LHFPL6: variants seen among roughly 807,000 people sequenced by gnomAD.
LHFPL6 encodes LHFPL tetraspan subfamily member 6 protein.
LHFPL6 carries 9 observed loss-of-function variants against 20.6 expected under a neutral mutation model. The observed-to-expected ratio is 0.44, with a 90% CI of 0.26 to 0.76. The LOEUF is 0.76. Among genes scored for constraint, LHFPL6 ranks in the 30% least tolerant of loss-of-function variants. The pLI, the probability that LHFPL6 is intolerant of heterozygous loss-of-function variation, is 0.20. For synonymous variants in LHFPL6, 105 were observed against 98.7 expected (o/e 1.06, Z -0.38); for missense variants, 218 against 253.5 (o/e 0.86, Z 0.95).
intron 2 of LHFPL6, among the ~76,000 whole-genome samples, chr13:39,500,352 G>T (rs1425808826): frequency 6.6e-6 from 1 of 151,998 alleles, no homozygotes; most frequent in African/African-American, 2.4e-5. Flanking sequence ...ATAGGTGCAT[G>T]CCATCATGCC....
intron 2 of LHFPL6, among the ~76,000 whole-genome samples, chr13:39,549,727 CT>C (rs560636170): frequency 5.2e-4 from 79 of 152,162 alleles, no homozygotes; most frequent in African/African-American, 1.8e-3. Context: ...TTTATGGTAG[CT>C]TTATTCATAA....
chr13:39,488,654 ATAAT>A lies in LHFPL6; in HGVS notation c.386-110132_386-110129del, dbSNP rs1419955904. Reference sequence around the variant, plus strand: ...TGTGTTTAATTGGATCATGTAATGCATAATTATTAATCATTATAATGTATTTTAT... The same window carrying A: ...TGTGTTTAATTGGATCATGTAATGCATATTAATCATTATAATGTATTTTAT... On this transcript the variant is annotated intron_variant, in intron 2 of 3. Coordinates refer to ENST00000379589, the MANE Select transcript of LHFPL6 (RefSeq NM_005780.3). Among the ~76,000 whole-genome samples, 14 of 152,368 alleles carry A rather than the reference ATAAT, an allele frequency of 9.2e-5. 2 individuals are homozygous for A. Among genetic ancestry groups the A allele is most frequent in the Admixed American group, 8.5e-4 (13 of 15,314 alleles).
chr13:39,353,262 A>C (rs1025968960), intron 3 of LHFPL6, among the ~76,000 whole-genome samples: 1 of 151,742 alleles, frequency 6.6e-6, no homozygotes, highest in Non-Finnish European at 1.5e-5. Flanking sequence ...CTGAGATTAC[A>C]GGCGTAAGCC....
Position 39,562,585 on chromosome 13 carries a change from T to TAC in LHFPL6, c.385+38246_385+38247insGT, listed in dbSNP as rs1566142194. On this transcript the variant is annotated intron_variant, in intron 2 of 3. Coordinates refer to ENST00000379589, the MANE Select transcript of LHFPL6 (RefSeq NM_005780.3). ...ACATATACACATACATATATACACA[T>TAC]ATATACATATATACACATATACATA... Among the ~76,000 whole-genome samples the TAC allele has an allele frequency of 3.1e-4, 28 of 90,170 alleles. 1 individual carries two copies. The highest frequency in any genetic ancestry group is 7.4e-4 in the African/African-American group (23 of 30,946). The allele number at this position is 90,170 out of a possible 152,430, so 59.2% of individuals were successfully genotyped here. A position where few individuals can be genotyped will look rare whatever the true frequency, so the allele number is the denominator to read the frequency against.
At chr13:39,474,646 T>G (rs569967102) in intron 2 of LHFPL6, among the ~76,000 whole-genome samples, 13 of 152,326 alleles carry the variant, frequency 8.5e-5, no homozygotes, top group Non-Finnish European at 1.6e-4. Context: ...AATTCTGAAT[T>G]GGCAATGAAC....
At chr13:39,600,317 A>G (rs1872895489) in intron 2 of LHFPL6, among the ~76,000 whole-genome samples, 1 of 152,268 alleles carries the variant, frequency 6.6e-6, no homozygotes, top group Non-Finnish European at 1.5e-5. Flanking sequence ...CTGATCTCTC[A>G]TTTAAAATAG....
chr13:39,456,012 G>C (rs528162438), intron 2 of LHFPL6, among the ~76,000 whole-genome samples: 2 of 152,196 alleles, frequency 1.3e-5, no homozygotes, highest in Non-Finnish European at 2.9e-5. Flanking sequence ...AGTGATAAGA[G>C]CTGGAATGTG....
intron 3 of LHFPL6, among the ~76,000 whole-genome samples, chr13:39,375,286 C>T (rs760963634): frequency 7.9e-5 from 12 of 152,222 alleles, no homozygotes; most frequent in East Asian, 1.9e-4. Flanking sequence ...GTTCCAGGTA[C>T]GCTCCCTATT....
intron 2 of LHFPL6, among the ~76,000 whole-genome samples, chr13:39,543,519 A>C (rs2138505815): frequency 6.6e-6 from 1 of 152,308 alleles, no homozygotes; most frequent in East Asian, 1.9e-4. Context: ...TTTTCTGAGA[A>C]GTATCTTTCT....
chr13:39,486,348 T>C (rs1359008725), intron 2 of LHFPL6, among the ~76,000 whole-genome samples: 2 of 152,218 alleles, frequency 1.3e-5, no homozygotes, highest in African/African-American at 2.4e-5. Flanking sequence ...GCAGTTACTG[T>C]GTGGAGAGAT....
At position 39,458,043 on chromosome 13, in the gene LHFPL6, A is replaced by G. The variant is rs1219614034; in HGVS notation, c.386-79517T>C. On this transcript the variant is annotated intron_variant, in intron 2 of 3. Transcript: ENST00000379589. ...TTATTATATTTTTGGGAAAAGTGTT[A>G]TTACCTGTAAGACAGTAATAACAGC... 2.0e-5 allele frequency among the ~76,000 whole-genome samples: 3 copies of G among 152,188 alleles called. No individual in the cohort carries two copies. The East Asian group carries it at 5.8e-4, about 29-fold the overall frequency.
chr13:39,484,518 C>A (rs1047552523), intron 2 of LHFPL6, among the ~76,000 whole-genome samples: 3 of 152,136 alleles, frequency 2.0e-5, no homozygotes, highest in African/African-American at 7.2e-5. Flanking sequence ...AAATTGACAG[C>A]CCTTCCCTCT....
chr13:39,367,732 AG>A (rs1870048491), intron 3 of LHFPL6, among the ~76,000 whole-genome samples: 1 of 152,256 alleles, frequency 6.6e-6, no homozygotes, highest in South Asian at 2.1e-4. Flanking sequence ...CATGTCCAAA[AG>A]CCTATGAAAA....
intron 2 of LHFPL6, among the ~76,000 whole-genome samples, chr13:39,491,426 G>A (rs1306760814): frequency 6.6e-6 from 1 of 152,122 alleles, no homozygotes; most frequent in Non-Finnish European, 1.5e-5. Flanking sequence ...GAAAGAGAGT[G>A]GAAAATAGGT....
intron 2 of LHFPL6, among the ~76,000 whole-genome samples, chr13:39,448,918 T>C (rs1000464440): frequency 2.0e-5 from 3 of 152,230 alleles, no homozygotes; most frequent in Admixed American, 6.5e-5. Context: ...AACTGGCCAA[T>C]TGAAAGCTGG....
At chr13:39,459,513 C>T (rs1274107126) in intron 2 of LHFPL6, among the ~76,000 whole-genome samples, 2 of 152,028 alleles carry the variant, frequency 1.3e-5, no homozygotes, top group East Asian at 1.9e-4. Context: ...GTAGCTGACT[C>T]GTCAGTAATT....
intron 2 of LHFPL6, among the ~76,000 whole-genome samples, chr13:39,599,501 T>C (rs565809338): frequency 1.2e-4 from 18 of 152,322 alleles, no homozygotes; most frequent in South Asian, 6.2e-4. Flanking sequence ...GTGTTAAACA[T>C]TGAAGCTGTA....
chr13:39,477,567 G>C (rs1175103846), intron 2 of LHFPL6, among the ~76,000 whole-genome samples: 1 of 152,164 alleles, frequency 6.6e-6, no homozygotes, highest in African/African-American at 2.4e-5. Flanking sequence ...AAGGAGAAGA[G>C]AGTTCTATGT....
intron 2 of LHFPL6, among the ~76,000 whole-genome samples, chr13:39,410,158 A>T (rs546343533): frequency 3.3e-5 from 5 of 152,250 alleles, no homozygotes; most frequent in Non-Finnish European, 4.4e-5. Flanking sequence ...TCATCTGAAG[A>T]AAAAATTTGC....
Sources: gnomAD v4.1 joint callset for allele counts (sites outside exome capture counted in the v4.1 genomes callset) on GRCh38, gnomAD v4.1.1 for gene constraint, MANE v1.5 for transcripts, NCBI Gene and HGNC (gene_info 2026-07-23, HGNC 2026-07-21) for gene names.